NRG1: variants seen among roughly 807,000 people sequenced by gnomAD.
NRG1 encodes neuregulin 1.
Under a neutral mutation model 63.8 loss-of-function variants are expected in NRG1, and 18 were observed. That is an observed-to-expected ratio of 0.28 (90% CI 0.19 to 0.42). NRG1 has a LOEUF of 0.42. Ranked by LOEUF, NRG1 falls within the 10% of genes least tolerant of loss-of-function variation. The pLI is 1.00. For missense variants in NRG1, 762 were observed against 814.7 expected (o/e 0.94, Z 0.79); for synonymous variants, 302 against 301.3 (o/e 1.00, Z -0.02).
Position 32,178,964 on chromosome 8 carries a change from A to G in NRG1, c.38-416864A>G, listed in dbSNP as rs541652496. Reference sequence around the variant, plus strand: ...AAAGCAATCAGGATCTCGATTCTCAATGCCATGTGAAGAACCACATGCTCT... The same window carrying G: ...AAAGCAATCAGGATCTCGATTCTCAGTGCCATGTGAAGAACCACATGCTCT... On this transcript the variant is annotated intron_variant, in intron 1 of 10. Transcript: ENST00000519301. 7.2e-5 allele frequency among the ~76,000 whole-genome samples: 11 copies of G among 152,212 alleles called. No homozygotes were observed. The South Asian group carries it at 2.3e-3, about 32-fold the overall frequency.
intron 1 of NRG1, among the ~76,000 whole-genome samples, chr8:32,043,296 A>C (rs570948768): frequency 1.3e-5 from 2 of 152,228 alleles, no homozygotes; most frequent in African/African-American, 4.8e-5. Flanking sequence ...ACATTTTTTA[A>C]ATGCTGGAGG....
chr8:32,656,822 A>T (rs950233887), intron 5 of NRG1, among the ~76,000 whole-genome samples: 1 of 150,264 alleles, frequency 6.7e-6, no homozygotes, highest in Non-Finnish European at 1.5e-5. Context: ...GACCCAATAA[A>T]ACTTGGTGAA....
intron 1 of NRG1, among the ~76,000 whole-genome samples, chr8:31,900,005 T>C (rs1831940336): frequency 6.6e-6 from 1 of 152,208 alleles, no homozygotes; most frequent in Admixed American, 6.5e-5. Context: ...TATGCACATT[T>C]TGAGTATCAT....
chr8:31,812,140 G>A (rs1468259672), intron 1 of NRG1, among the ~76,000 whole-genome samples: 2 of 152,120 alleles, frequency 1.3e-5, no homozygotes, highest in Admixed American at 6.6e-5. Context: ...AGGATTAGTT[G>A]CTTAAATACA....
chr8:31,873,423 G>A (rs935337905), intron 1 of NRG1, among the ~76,000 whole-genome samples: 1 of 152,168 alleles, frequency 6.6e-6, no homozygotes. Context: ...GCCGGGCGTG[G>A]TGGCGTGCGC....
rs148641517 is a variant in NRG1 at position 32,450,158 on chromosome 8, G to A, written c.38-145670G>A. ...AGCAGGAATAGAATAATTTTATTGA[G>A]CACTTTAAGTGGACATTATGCTAGA... On this transcript the variant is annotated intron_variant, in intron 1 of 10. Transcript: ENST00000519301. Among the ~76,000 whole-genome samples the A allele has an allele frequency of 4.0e-3, 607 of 152,278 alleles. 3 individuals carry two copies. Among genetic ancestry groups the A allele is most frequent in the African/African-American group, 0.014 (564 of 41,552 alleles).
Position 32,742,600 on chromosome 8 carries a change from C to A in NRG1, c.633-75C>A. The A allele has an allele frequency of 7.2e-7, 1 of 1,385,150 alleles. No individual in the cohort carries two copies. Among genetic ancestry groups the A allele is most frequent in the South Asian group, 1.2e-5 (1 of 84,750 alleles). 85.8% of individuals were successfully genotyped at this position (1,385,150 alleles called of 1,614,324 possible). A position where few individuals can be genotyped will look rare whatever the true frequency, so the allele number is the denominator to read the frequency against. ...TTTCAGTCAAATGACACTGAAGGAGCTTCTTTCTAGCATATATTCACCTCT... is the reference window on the plus strand; with the variant it reads ...TTTCAGTCAAATGACACTGAAGGAGATTCTTTCTAGCATATATTCACCTCT... On this transcript the variant is annotated intron_variant, in intron 6 of 11. Coordinates refer to ENST00000356819, the Ensembl canonical transcript of NRG1. The surrounding 1 kb of genome is among the most constrained non-coding windows in gnomAD (Gnocchi z 4.2).
intron 1 of NRG1, among the ~76,000 whole-genome samples, chr8:31,949,210 G>A (rs1803091555): frequency 6.6e-6 from 1 of 152,100 alleles, no homozygotes; most frequent in South Asian, 2.1e-4. Context: ...CATGAATTAG[G>A]TCTTATTATA....
At chr8:31,996,037 G>C (rs1250771379) in intron 1 of NRG1, among the ~76,000 whole-genome samples, 1 of 150,736 alleles carries the variant, frequency 6.6e-6, no homozygotes, top group Non-Finnish European at 1.5e-5. Flanking sequence ...CTTCTTTCAC[G>C]GTGCCCATTT....
chr8:32,062,345 G>A (rs546439975), intron 1 of NRG1, among the ~76,000 whole-genome samples: 1 of 152,162 alleles, frequency 6.6e-6, no homozygotes, highest in African/African-American at 2.4e-5. Context: ...GAATCAATAG[G>A]ATCTCCTGGA....
intron 1 of NRG1, among the ~76,000 whole-genome samples, chr8:31,773,968 C>G (rs538404068): frequency 6.7e-6 from 1 of 149,078 alleles, no homozygotes; most frequent in Non-Finnish European, 1.5e-5. Flanking sequence ...ATTGGGTACT[C>G]AATAAATATT....
At chr8:32,372,007 TTAA>T (rs1218541555) in intron 1 of NRG1, among the ~76,000 whole-genome samples, 4 of 148,934 alleles carry the variant, frequency 2.7e-5, no homozygotes, top group African/African-American at 4.9e-5. Flanking sequence ...TTTTTTTTTT[TTAA>T]AAGGGTTGTG....
At chr8:31,873,091 A>G (rs1829626756) in intron 1 of NRG1, among the ~76,000 whole-genome samples, 1 of 152,186 alleles carries the variant, frequency 6.6e-6, no homozygotes, top group African/African-American at 2.4e-5. Flanking sequence ...AGCAAAGGGT[A>G]CATACAGCTG....
intron 5 of NRG1, among the ~76,000 whole-genome samples, chr8:32,663,131 G>A (rs1379666270): frequency 6.6e-6 from 1 of 152,132 alleles, no homozygotes; most frequent in African/African-American, 2.4e-5. Flanking sequence ...CTATTTTATG[G>A]TTTCTTTTTA....
intron 1 of NRG1, among the ~76,000 whole-genome samples, chr8:32,576,327 CT>C (rs917846284): frequency 6.6e-6 from 1 of 152,060 alleles, no homozygotes; most frequent in Non-Finnish European, 1.5e-5. Context: ...ATTTTCTCTT[CT>C]TTTTTTGTTT....
At chr8:31,643,407 T>C (rs1452742146) in intron 1 of NRG1, among the ~76,000 whole-genome samples, 1 of 152,272 alleles carries the variant, frequency 6.6e-6, no homozygotes, top group Non-Finnish European at 1.5e-5. Flanking sequence ...AAACTACACA[T>C]GCAACAGATT....
intron 1 of NRG1, among the ~76,000 whole-genome samples, chr8:32,112,449 T>TA (rs1168079426): frequency 6.6e-6 from 1 of 152,200 alleles, no homozygotes; most frequent in Non-Finnish European, 1.5e-5. Flanking sequence ...TAAGAGTTGA[T>TA]AAGAGAATTG....
chr8:31,833,015 A>C (rs1347077254), intron 1 of NRG1, among the ~76,000 whole-genome samples: 1 of 152,108 alleles, frequency 6.6e-6, no homozygotes, highest in Non-Finnish European at 1.5e-5. Context: ...CTCCTCCAAC[A>C]AAGGTTAACA....
intron 11 of NRG1, among the ~76,000 whole-genome samples, chr8:32,762,292 G>A (rs184564589): frequency 1.3e-5 from 2 of 152,192 alleles, no homozygotes; most frequent in Admixed American, 6.5e-5. Context: ...TGAAAAGGAA[G>A]TTAGAGATGA....
Sources: gnomAD v4.1 joint callset for allele counts (sites outside exome capture counted in the v4.1 genomes callset) on GRCh38, gnomAD v4.1.1 for gene constraint, Gnocchi (gnomAD v3.1) non-coding constraint, MANE v1.5 for transcripts, NCBI Gene and HGNC (gene_info 2026-07-23, HGNC 2026-07-21) for gene names.